The following CSNK1G1 variants were observed in gnomAD, a reference collection of about 807,000 sequenced individuals.
CSNK1G1 encodes casein kinase 1 gamma 1.
CSNK1G1 carries 22 observed loss-of-function variants against 59.6 expected under a neutral mutation model. The ratio of observed to expected loss-of-function variants is 0.37; its 90% CI spans 0.26 to 0.53. The LOEUF is 0.53. Ranked by LOEUF, CSNK1G1 falls within the 20% of genes least tolerant of loss-of-function variation. CSNK1G1 has a pLI of 0.89. For missense variants in CSNK1G1, 384 were observed against 519.5 expected, an observed-to-expected ratio of 0.74 and a Z score of 2.54; for synonymous variants, 179 against 177.1, an observed-to-expected ratio of 1.01 and a Z score of -0.08.
intron 2 of CSNK1G1, among the ~76,000 whole-genome samples, chr15:64,269,274 A>G (rs1893150004): frequency 6.6e-6 from 1 of 152,152 alleles, no homozygotes; most frequent in Admixed American, 6.5e-5. Flanking sequence ...TCTTCTTTAC[A>G]TATCCAGTAG....
At chr15:64,320,100 T>C (rs916558987) in intron 1 of CSNK1G1, among the ~76,000 whole-genome samples, 2 of 151,470 alleles carry the variant, frequency 1.3e-5, no homozygotes, top group African/African-American at 4.9e-5. Flanking sequence ...AGAGACAGAG[T>C]CTCACCATGT....
intron 4 of CSNK1G1, among the ~76,000 whole-genome samples, chr15:64,238,320 CTCTATAAAA>C (rs2082642936): frequency 1.3e-5 from 2 of 150,656 alleles, no homozygotes; most frequent in Admixed American, 1.3e-4. Context: ...AAGATCCCAT[CTCTATAAAA>C]AATAAAAAAT....
At chr15:64,180,799 G>C (rs2081803495) in intron 10 of CSNK1G1, among the ~76,000 whole-genome samples, 1 of 152,214 alleles carries the variant, frequency 6.6e-6, no homozygotes, top group Non-Finnish European at 1.5e-5. Flanking sequence ...GTTAATATCT[G>C]TGAATTTCCA....
At chr15:64,180,152 T>C (rs1229273895) in intron 11 of CSNK1G1, 196 bp downstream of exon 11, 1 of 560,122 alleles carries the variant, frequency 1.8e-6, no homozygotes, top group Admixed American at 3.0e-5. Context: ...AAAATGTGAC[T>C]GTCTTCCCCG....
intron 2 of CSNK1G1, among the ~76,000 whole-genome samples, chr15:64,269,850 T>C (rs747055352): frequency 1.4e-5 from 2 of 143,558 alleles, no homozygotes; most frequent in South Asian, 4.5e-4. Flanking sequence ...GCCACCCACG[T>C]TGGAGTGCAG....
At chr15:64,338,774 T>C (rs1480031007) in intron 1 of CSNK1G1, among the ~76,000 whole-genome samples, 1 of 148,622 alleles carries the variant, frequency 6.7e-6, no homozygotes, top group Non-Finnish European at 1.5e-5. Flanking sequence ...TCCCAGCACT[T>C]TGGGAGGTGG....
chr15:64,259,505 C>T lies in CSNK1G1; in HGVS notation c.182-264G>A, dbSNP rs2140330374. 3.3e-5 allele frequency among the ~76,000 whole-genome samples: 5 copies of T among 151,850 alleles called. No individual in the cohort carries two copies. In the South Asian group the frequency reaches 1.0e-3, roughly 32 times the overall value. Reference sequence around the variant, plus strand: ...TCTTACACACACACACACACACACACACACACACACACACACACATGCATG... The same window carrying T: ...TCTTACACACACACACACACACACATACACACACACACACACACATGCATG... On this transcript the variant is annotated intron_variant, in intron 2 of 11. Coordinates refer to ENST00000303052, the MANE Select transcript of CSNK1G1 (RefSeq NM_022048.5).
intron 6 of CSNK1G1, among the ~76,000 whole-genome samples, chr15:64,208,898 T>G (rs975842589): frequency 1.3e-5 from 2 of 151,628 alleles, no homozygotes; most frequent in East Asian, 3.9e-4. Flanking sequence ...TCTTTTTTTT[T>G]TTTTTTTGAG....
At chr15:64,243,748 T>C (rs1891599887) in intron 4 of CSNK1G1, among the ~76,000 whole-genome samples, 1 of 152,198 alleles carries the variant, frequency 6.6e-6, no homozygotes, top group Non-Finnish European at 1.5e-5. Context: ...CATGTGCCTG[T>C]AGTCCCATCT....
intron 2 of CSNK1G1, among the ~76,000 whole-genome samples, chr15:64,283,106 T>C (rs1407799278): frequency 6.6e-6 from 1 of 152,098 alleles, no homozygotes; most frequent in Non-Finnish European, 1.5e-5. Context: ...AAATCACCAT[T>C]AAAGAACTTA....
intron 4 of CSNK1G1, among the ~76,000 whole-genome samples, chr15:64,228,890 T>C (rs951501169): frequency 4.3e-4 from 65 of 151,236 alleles, no homozygotes; most frequent in African/African-American, 1.6e-3. Flanking sequence ...TGGTGGTGTG[T>C]GTTTGTGGTC....
At chr15:64,238,282 C>A (rs1249412431) in intron 4 of CSNK1G1, among the ~76,000 whole-genome samples, 1 of 150,984 alleles carries the variant, frequency 6.6e-6, no homozygotes, top group Non-Finnish European at 1.5e-5. Context: ...AAAATCTGTA[C>A]AAAAACATGC....
chr15:64,212,812 C>A (rs2082265222), intron 6 of CSNK1G1, among the ~76,000 whole-genome samples: 1 of 152,070 alleles, frequency 6.6e-6, no homozygotes, highest in South Asian at 2.1e-4. Flanking sequence ...TCAAGACCAG[C>A]CTGGCCAACA....
chr15:64,208,234 A>C (rs1249771827), intron 6 of CSNK1G1, among the ~76,000 whole-genome samples: 1 of 152,160 alleles, frequency 6.6e-6, no homozygotes, highest in Non-Finnish European at 1.5e-5. Flanking sequence ...AAGGCTACAC[A>C]CATCTGTAGT....
chr15:64,284,081 T>C (rs1894284138), intron 2 of CSNK1G1, among the ~76,000 whole-genome samples: 2 of 152,190 alleles, frequency 1.3e-5, no homozygotes, highest in Admixed American at 1.3e-4. Flanking sequence ...CCAATACCAC[T>C]TGTCAAAATA....
At chr15:64,271,875 G>T (rs975817652) in intron 2 of CSNK1G1, among the ~76,000 whole-genome samples, 1 of 152,136 alleles carries the variant, frequency 6.6e-6, no homozygotes. Flanking sequence ...CTATTATTGT[G>T]TGGGAGTCTA....
At chr15:64,286,361 T>TTATTGTTAACAA (rs976136997) in intron 2 of CSNK1G1, among the ~76,000 whole-genome samples, 1 of 150,486 alleles carries the variant, frequency 6.6e-6, no homozygotes, top group Non-Finnish European at 1.5e-5. Context: ...TGTTAACATG[T>TTATTGTTAACAA]TATTGTTAAC....
At chr15:64,225,824 G>A (rs370420510) in intron 4 of CSNK1G1, among the ~76,000 whole-genome samples, 5 of 152,120 alleles carry the variant, frequency 3.3e-5, no homozygotes, top group South Asian at 4.1e-4. Flanking sequence ...TCGGGGTTTC[G>A]CTATGTTGGC....
chr15:64,351,016 A>G (rs955490004), intron 1 of CSNK1G1, among the ~76,000 whole-genome samples: 6 of 152,186 alleles, frequency 3.9e-5, no homozygotes, highest in Non-Finnish European at 7.3e-5. Context: ...CAAATTCAAA[A>G]GTTATTTCCG....
Sources: allele counts gnomAD v4.1 joint callset (sites outside exome capture counted in the v4.1 genomes callset), GRCh38; gene constraint gnomAD v4.1.1; transcripts MANE v1.5; gene names NCBI Gene and HGNC (gene_info 2026-07-23, HGNC 2026-07-21).